NPRL3: variants seen among roughly 807,000 people sequenced by gnomAD.
The protein encoded by NPRL3 is GATOR1 complex protein NPRL3.
A neutral mutation model predicts 57.2 loss-of-function variants in NPRL3; 23 were observed. That is an observed-to-expected ratio of 0.40 (90% CI 0.29 to 0.57). NPRL3 has a LOEUF of 0.57. Ranked by LOEUF, NPRL3 falls within the 20% of genes least tolerant of loss-of-function variation. The pLI, the probability that NPRL3 is intolerant of heterozygous loss-of-function variation, is 0.42. For synonymous variants in NPRL3, 333 were observed against 321.1 expected, an observed-to-expected ratio of 1.04 and a Z score of -0.39; for missense variants, 691 against 767.1, an observed-to-expected ratio of 0.90 and a Z score of 1.17.
intron 2 of NPRL3, among the ~76,000 whole-genome samples, chr16:137,414 A>T (rs1380748228): frequency 6.6e-6 from 1 of 151,600 alleles, no homozygotes; most frequent in Non-Finnish European, 1.5e-5. Flanking sequence ...GCGATGAAAA[A>T]CCTCACGCGA....
At chr16:107,142 C>T (rs960907694) in intron 7 of NPRL3, among the ~76,000 whole-genome samples, 4 of 152,188 alleles carry the variant, frequency 2.6e-5, no homozygotes, top group Non-Finnish European at 5.9e-5. Context: ...AAGAATGCTA[C>T]ATGCTGAACA....
chr16:119,234 T>C lies in NPRL3; in HGVS notation c.210A>G (p.Ala70=). 6.2e-7 allele frequency: 1 copy of C among 1,609,850 alleles called. No homozygotes were observed. Among genetic ancestry groups the C allele is most frequent in the Non-Finnish European group, 8.5e-7 (1 of 1,177,900 alleles). ...GDSRFSDVIL[A]TILATKSEMC... is the part of the protein sequence containing the mutation. ...TTTCAGACTTGGTTGCCAAAATTGT[T>C]GCCAGAATAACATCTGAAAACCTTA... is the stretch of plus-strand genomic sequence containing the variant. The change falls in exon 4 of 14, where the codon GCA becomes GCG. Residue 70 remains alanine, a synonymous_variant. Coordinates refer to ENST00000611875, the MANE Select transcript of NPRL3 (RefSeq NM_001077350.3).
intron 3 of NPRL3, among the ~76,000 whole-genome samples, chr16:125,422 G>C (rs1332703032): frequency 6.6e-6 from 1 of 152,182 alleles, no homozygotes; most frequent in African/African-American, 2.4e-5. Flanking sequence ...TAAGCACAGA[G>C]GGCTTCTGAG....
At chr16:93,416 C>A in intron 9 of NPRL3, 91 bp from the exon 10 acceptor site, 1 of 811,458 alleles carries the variant, frequency 1.2e-6, no homozygotes, top group Non-Finnish European at 2.1e-6. Context: ...CCATGGCCTA[C>A]CAGCCTGGAG....
chr16:129,842 G>A (rs1294212540), intron 3 of NPRL3, among the ~76,000 whole-genome samples: 1 of 152,106 alleles, frequency 6.6e-6, no homozygotes, highest in Admixed American at 6.6e-5. Context: ...CCTTGTCTGT[G>A]TTTAAGGGAA....
chr16:133,585 A>G (rs748432303), intron 2 of NPRL3, among the ~76,000 whole-genome samples: 4 of 152,182 alleles, frequency 2.6e-5, no homozygotes, highest in South Asian at 2.1e-4. Flanking sequence ...TGCCCAGGCT[A>G]GATTTAAACT....
rs1899311774 is a variant in NPRL3 at position 101,817 on chromosome 16, G to A, written c.630-1308C>T. 1.3e-5 allele frequency among the ~76,000 whole-genome samples: 2 copies of A among 152,140 alleles called. 1 individual carries two copies. Among genetic ancestry groups the A allele is most frequent in the South Asian group, 4.1e-4 (2 of 4,834 alleles). On this transcript the variant is annotated intron_variant, in intron 7 of 13. Coordinates refer to ENST00000611875, the MANE Select transcript of NPRL3 (RefSeq NM_001077350.3). ...CCTTGCCCACAAACTCTCTGCAGAC[G>A]CCCCAAGGCTCCTTTACTCCATCGG... is the stretch of plus-strand genomic sequence containing the variant.
chr16:110,393 G>A, intron 7 of NPRL3, 132 bp downstream of exon 7: 1 of 625,432 alleles, frequency 1.6e-6, no homozygotes, highest in Non-Finnish European at 2.8e-6. Flanking sequence ...CCTAACCTCA[G>A]GGAACCCTGA....
At chr16:131,380 G>A (rs960280326) in intron 2 of NPRL3, among the ~76,000 whole-genome samples, 1 of 145,528 alleles carries the variant, frequency 6.9e-6, no homozygotes, top group East Asian at 1.9e-4. Context: ...TCTGGAGGGT[G>A]AGGCAAGAGA....
chr16:109,589 T>C (rs1194150224), intron 7 of NPRL3, among the ~76,000 whole-genome samples: 1 of 152,150 alleles, frequency 6.6e-6, no homozygotes, highest in Non-Finnish European at 1.5e-5. Context: ...TCGTTTTCTG[T>C]TTTAAGAGGA....
intron 9 of NPRL3, among the ~76,000 whole-genome samples, chr16:97,410 A>ATTTTTTTTTTTTTTTTTTTTTTTTTTTTT (rs34410203): frequency 8.7e-6 from 1 of 115,086 alleles, no homozygotes. Flanking sequence ...ACACCCAGCT[A>ATTTTTTTTTTTTTTTTTTTTTTTTTTTTT]TTTTTTTTTT....
chr16:125,424 G>A (rs1337015801), intron 3 of NPRL3, among the ~76,000 whole-genome samples: 1 of 152,200 alleles, frequency 6.6e-6, no homozygotes. Context: ...AGCACAGAGG[G>A]CTTCTGAGTC....
chr16:117,244 G>C (rs772833291), intron 5 of NPRL3, 57 bp downstream of exon 5: 2 of 1,259,202 alleles, frequency 1.6e-6, no homozygotes, highest in Non-Finnish European at 2.3e-6. Context: ...TGGAAAAAAA[G>C]AGCTGCTTCT....
At chr16:109,736 G>A (rs1487767800) in intron 7 of NPRL3, among the ~76,000 whole-genome samples, 2 of 152,034 alleles carry the variant, frequency 1.3e-5, no homozygotes, top group African/African-American at 2.4e-5. Flanking sequence ...TGCCAACATC[G>A]AGTCTCGTGA....
chr16:138,013 A>G (rs900659288), intron 2 of NPRL3, 137 bp downstream of exon 2: 1 of 621,132 alleles, frequency 1.6e-6, no homozygotes, highest in South Asian at 2.2e-5. Flanking sequence ...TCCTTTTTCT[A>G]CTTTTCAAAT....
At chr16:93,396 G>C (rs1024849755) in intron 9 of NPRL3, 71 bp from the exon 10 acceptor site, 2 of 998,824 alleles carry the variant, frequency 2.0e-6, no homozygotes, top group African/African-American at 3.2e-5. Context: ...GCAGCTCTCA[G>C]CCTGGGTGGC....
chr16:127,571 AT>A (rs1457012113), intron 3 of NPRL3, among the ~76,000 whole-genome samples: 3 of 152,154 alleles, frequency 2.0e-5, no homozygotes, highest in Admixed American at 1.3e-4. Flanking sequence ...AATATTCCAA[AT>A]CTGAACCATT....
chr16:108,366 G>A (rs978187736), intron 7 of NPRL3, among the ~76,000 whole-genome samples: 2 of 152,102 alleles, frequency 1.3e-5, no homozygotes, highest in Non-Finnish European at 2.9e-5. Context: ...ACAATTTCAC[G>A]AGACTCGATG....
rs568450199 is a variant in NPRL3 at position 126,900 on chromosome 16, T to A, written c.188+3622A>T. 2.0e-5 allele frequency: 3 copies of A among 152,368 alleles called. No homozygotes were observed. The East Asian group carries it at 5.8e-4, about 29-fold the overall frequency. The allele number at this position is 152,368 out of a possible 1,614,324, so 9.4% of individuals were successfully genotyped here. A position where few individuals can be genotyped will look rare whatever the true frequency, so the allele number is the denominator to read the frequency against. Reference sequence around the variant, plus strand: ...TTAAATTGTTTCTGAGAGGGGGGTCTCACTCTGTCACCCAAGTTGGAGTGC... The same window carrying A: ...TTAAATTGTTTCTGAGAGGGGGGTCACACTCTGTCACCCAAGTTGGAGTGC... On this transcript the variant is annotated intron_variant, in intron 3 of 13. Coordinates refer to ENST00000611875, the MANE Select transcript of NPRL3 (RefSeq NM_001077350.3).
Sources: gnomAD v4.1 joint callset for allele counts (sites outside exome capture counted in the v4.1 genomes callset) on GRCh38, gnomAD v4.1.1 for gene constraint, MANE v1.5 for transcripts, NCBI Gene and HGNC (gene_info 2026-07-23, HGNC 2026-07-21) for gene names.